The following CCDC112 variants were observed in gnomAD, a reference collection of about 807,000 sequenced individuals.
CCDC112 encodes coiled-coil domain-containing protein 112.
CCDC112 carries 40 observed loss-of-function variants against 66.3 expected under a neutral mutation model. The observed-to-expected ratio is 0.60, with a 90% CI of 0.47 to 0.79. The LOEUF (loss-of-function observed/expected upper bound fraction) is 0.79. CCDC112 is among the 30% of genes least tolerant of loss of function. CCDC112 has a pLI of 0.00. For synonymous variants in CCDC112, 214 were observed against 197.2 expected (o/e 1.09, Z -0.71); for missense variants, 659 against 603.8 (o/e 1.09, Z -0.96).
Position 115,267,860 on chromosome 5 carries a change from T to A in CCDC112, c.*16A>T. The A allele has an allele frequency of 6.2e-7, 1 of 1,601,404 alleles. No homozygotes were observed. Among genetic ancestry groups the A allele is most frequent in the Non-Finnish European group, 8.6e-7 (1 of 1,168,630 alleles). On this transcript the variant is annotated 3_prime_UTR_variant, in exon 10 of 10. Transcript: ENST00000379611. ...TATGTTAACATTCTTATCAACTGAG[T>A]AGCAATTTGATTATCTCATACTCTT...
chr5:115,285,473 A>T (rs1315976167), intron 1 of CCDC112, among the ~76,000 whole-genome samples: 1 of 152,074 alleles, frequency 6.6e-6, no homozygotes, highest in Non-Finnish European at 1.5e-5. Flanking sequence ...CCATGACAGG[A>T]GCAGTAGGAA....
chr5:115,296,631 C>A lies in CCDC112; in HGVS notation c.-88G>T. 1 of 1,269,928 alleles carries A rather than the reference C, an allele frequency of 7.9e-7. No individual in the cohort carries two copies. Among genetic ancestry groups the A allele is most frequent in the East Asian group, 3.7e-5 (1 of 26,962 alleles). The allele number at this position is 1,269,928 out of a possible 1,614,324, so 78.7% of individuals were successfully genotyped here. ...CACCCTGGCCTCTGCAGACAGCTCC[C>A]TGCGCTGCGGGCTTGGCCGGGATGC... On this transcript the variant is annotated 5_prime_UTR_variant, in exon 1 of 10. In the 5' UTR this introduces an upstream ATG that the reference lacks. Transcript: ENST00000379611.
rs1485982943 is a variant in CCDC112, at chr5:115,291,703, CTAAGT to C, written c.117+4719_117+4723del. The stretch of plus-strand genomic sequence containing the variant: ...CTCCTTTTAATGTAGGGCAATTATG[CTAAGT>C]TATTTTGGCTTTTGTTTGCCTCAGT... On this transcript the variant is annotated intron_variant, in intron 1 of 9. Coordinates refer to ENST00000379611, the MANE Select transcript of CCDC112 (RefSeq NM_001040440.3). 1.4e-4 allele frequency among the ~76,000 whole-genome samples: 22 copies of C among 152,274 alleles called. 1 individual carries two copies. The Middle Eastern group carries it at 0.014, about 94-fold the overall frequency.
intron 3 of CCDC112, among the ~76,000 whole-genome samples, chr5:115,277,793 C>G: frequency 6.6e-6 from 1 of 152,210 alleles, no homozygotes; most frequent in East Asian, 1.9e-4. Context: ...TTAATATTTA[C>G]TTAAATTACT....
At chr5:115,291,948 A>T (rs1313109935) in intron 1 of CCDC112, among the ~76,000 whole-genome samples, 1 of 152,138 alleles carries the variant, frequency 6.6e-6, no homozygotes, top group East Asian at 1.9e-4. Context: ...ATTTATTGGC[A>T]GGTTTATTAC....
At chr5:115,281,509 C>T (rs544273595) in intron 2 of CCDC112, among the ~76,000 whole-genome samples, 2 of 152,124 alleles carry the variant, frequency 1.3e-5, no homozygotes, top group Non-Finnish European at 2.9e-5. Flanking sequence ...TTCAGTCCCA[C>T]CTGGCAACTC....
At chr5:115,280,901 C>T (rs1210164516) in intron 2 of CCDC112, among the ~76,000 whole-genome samples, 2 of 152,082 alleles carry the variant, frequency 1.3e-5, no homozygotes, top group African/African-American at 2.4e-5. Context: ...AATATTTCTC[C>T]ACTAATCTTG....
intron 3 of CCDC112, among the ~76,000 whole-genome samples, chr5:115,278,276 A>G (rs1749294593): frequency 6.6e-6 from 1 of 152,134 alleles, no homozygotes; most frequent in Non-Finnish European, 1.5e-5. Context: ...GGATAGATAG[A>G]CAAATCATTT....
At chr5:115,286,556 C>A (rs1484665954) in intron 1 of CCDC112, among the ~76,000 whole-genome samples, 1 of 152,066 alleles carries the variant, frequency 6.6e-6, no homozygotes, top group East Asian at 1.9e-4. Flanking sequence ...TCATTATATA[C>A]CTAGCAGCAG....
At chr5:115,288,327 T>C (rs1749774839) in intron 1 of CCDC112, among the ~76,000 whole-genome samples, 1 of 152,198 alleles carries the variant, frequency 6.6e-6, no homozygotes, top group Non-Finnish European at 1.5e-5. Flanking sequence ...AGCTTAAATT[T>C]GGAGGGAAAT....
rs188235537 is a variant in CCDC112, at chr5:115,295,846, G to A, written c.117+581C>T. The A allele has an allele frequency of 4.7e-3, 4,573 of 973,770 alleles. 14 individuals carry two copies. The highest frequency in any genetic ancestry group is 0.011 in the Middle Eastern group (21 of 1,902). 60.3% of individuals were successfully genotyped at this position (973,770 alleles called of 1,614,324 possible). A position where few individuals can be genotyped will look rare whatever the true frequency, so the allele number is the denominator to read the frequency against. ...AACAGGGACTGGGTGTGCCGCGTAA[G>A]GCGATTCATTTTAGGGAGATCATGG... is the stretch of plus-strand genomic sequence containing the variant. On this transcript the variant is annotated intron_variant, in intron 1 of 9. Coordinates refer to ENST00000379611, the MANE Select transcript of CCDC112 (RefSeq NM_001040440.3).
intron 5 of CCDC112, 54 bp from the exon 6 acceptor site, chr5:115,275,660 AT>A: frequency 8.1e-7 from 1 of 1,231,736 alleles, no homozygotes; most frequent in Non-Finnish European, 1.1e-6. Flanking sequence ...TTAACCCTTA[AT>A]TTTCCATCAA....
chr5:115,280,147 A>G (rs532347411), intron 2 of CCDC112, among the ~76,000 whole-genome samples: 1 of 152,282 alleles, frequency 6.6e-6, no homozygotes, highest in South Asian at 2.1e-4. Context: ...TTAATTTTGT[A>G]ACCTTAGCCA....
intron 1 of CCDC112, among the ~76,000 whole-genome samples, chr5:115,286,296 C>T (rs546161545): frequency 1.1e-4 from 17 of 152,324 alleles, no homozygotes; most frequent in African/African-American, 3.6e-4. Context: ...TGGGCTCATA[C>T]AATGTGTAGC....
intron 8 of CCDC112, 43 bp from the exon 9 acceptor site, chr5:115,269,043 C>G (rs1380601999): frequency 1.3e-5 from 15 of 1,123,530 alleles, no homozygotes; most frequent in Non-Finnish European, 2.0e-5. Flanking sequence ...TATACAAACT[C>G]AGTTTGTACT....
chr5:115,293,897 T>A (rs1750039597), intron 1 of CCDC112, among the ~76,000 whole-genome samples: 1 of 152,174 alleles, frequency 6.6e-6, no homozygotes, highest in Non-Finnish European at 1.5e-5. Flanking sequence ...AAAACCAGCA[T>A]CACACTAATG....
At chr5:115,269,676 A>C in intron 8 of CCDC112, 27 bp downstream of exon 8, 1 of 1,464,970 alleles carries the variant, frequency 6.8e-7, no homozygotes, top group Non-Finnish European at 9.4e-7. Flanking sequence ...GGATAATAAC[A>C]ATGAAAATAA....
chr5:115,277,616 C>G (rs1749263658), intron 3 of CCDC112, among the ~76,000 whole-genome samples: 1 of 152,126 alleles, frequency 6.6e-6, no homozygotes. Flanking sequence ...CAGTGGTATA[C>G]TATGCCACAG....
At chr5:115,278,127 T>C (rs1749287189) in intron 3 of CCDC112, among the ~76,000 whole-genome samples, 1 of 152,188 alleles carries the variant, frequency 6.6e-6, no homozygotes, top group African/African-American at 2.4e-5. Context: ...AGGGTCTTAC[T>C]GTTGAACTTT....
Sources: allele counts gnomAD v4.1 joint callset (sites outside exome capture counted in the v4.1 genomes callset), GRCh38; gene constraint gnomAD v4.1.1; transcripts MANE v1.5; gene names NCBI Gene and HGNC (gene_info 2026-07-23, HGNC 2026-07-21).